The following SGCZ variants were observed in gnomAD, a reference collection of about 807,000 sequenced individuals.
The protein encoded by SGCZ is zeta-sarcoglycan.
SGCZ carries 40 observed loss-of-function variants against 41.3 expected under a neutral mutation model. That is an observed-to-expected ratio of 0.97 (90% CI 0.75 to 1.26). SGCZ has a LOEUF of 1.26. Ranked by LOEUF, SGCZ falls within the 50% of genes most tolerant of loss-of-function variation. The pLI, the probability that SGCZ is intolerant of heterozygous loss-of-function variation, is 0.00. For missense variants in SGCZ, 552 were observed against 369.8 expected (o/e 1.49, Z -4.04); for synonymous variants, 206 against 137.5 (o/e 1.50, Z -3.49).
chr8:14,755,609 A>G (rs1799639629), intron 1 of SGCZ, among the ~76,000 whole-genome samples: 1 of 152,204 alleles, frequency 6.6e-6, no homozygotes, highest in Admixed American at 6.5e-5. Flanking sequence ...AGTAAGTGAC[A>G]TGACCATGCT....
chr8:14,305,203 C>A (rs566616188), intron 3 of SGCZ, among the ~76,000 whole-genome samples: 1 of 152,194 alleles, frequency 6.6e-6, no homozygotes, highest in African/African-American at 2.4e-5. Context: ...AACAAATAAT[C>A]TACCAATATA....
chr8:14,915,590 C>G (rs180864191), intron 1 of SGCZ, among the ~76,000 whole-genome samples: 18 of 152,196 alleles, frequency 1.2e-4, no homozygotes, highest in Middle Eastern at 3.4e-3. Context: ...AAGATGGCAC[C>G]GATCAACTGG....
At chr8:14,619,978 C>T (rs1236946592) in intron 1 of SGCZ, among the ~76,000 whole-genome samples, 1 of 152,110 alleles carries the variant, frequency 6.6e-6, no homozygotes, top group Non-Finnish European at 1.5e-5. Flanking sequence ...GCCCGCATTG[C>T]CAAGACAATC....
At chr8:14,090,738 C>G (rs976730643) in intron 7 of SGCZ, 101 bp from the exon 8 acceptor site, 6 of 1,003,548 alleles carry the variant, frequency 6.0e-6, no homozygotes, top group South Asian at 5.1e-5. Flanking sequence ...GTCGACACAA[C>G]AAACAATTCC....
intron 3 of SGCZ, among the ~76,000 whole-genome samples, chr8:14,284,336 G>A (rs1401095418): frequency 1.3e-5 from 2 of 152,204 alleles, no homozygotes; most frequent in African/African-American, 4.8e-5. Flanking sequence ...GAGGCTGCAT[G>A]AGCTGTGGCC....
intron 1 of SGCZ, among the ~76,000 whole-genome samples, chr8:14,634,188 T>C (rs1156535076): frequency 3.9e-5 from 6 of 151,922 alleles, no homozygotes; most frequent in Non-Finnish European, 8.8e-5. Flanking sequence ...CTTCCAATTT[T>C]TATCAATTTG....
At chr8:15,177,509 A>G (rs1585643236) in intron 1 of SGCZ, among the ~76,000 whole-genome samples, 3 of 152,344 alleles carry the variant, frequency 2.0e-5, no homozygotes, top group South Asian at 4.1e-4. Flanking sequence ...ATTTAATCTT[A>G]CAATGGGAGG....
chr8:14,554,736 G>A lies in SGCZ; in HGVS notation c.230C>T (p.Thr77Ile). The A allele has an allele frequency of 6.2e-7, 1 of 1,611,378 alleles. No individual in the cohort carries two copies. The highest frequency in any genetic ancestry group is 8.5e-7 in the Non-Finnish European group (1 of 1,178,240). ...TAAAATCATAGTGGTACTTACCACA[G>A]TGAAATTCATAACTTTCAATATCCA... Reference protein sequence around the residue: ...TIWILKVMNFTVDGMGNLRVT... With the variant: ...TIWILKVMNFIVDGMGNLRVT... Residue 77 changes from threonine (T) to isoleucine (I), a missense_variant, in exon 2 of 8, where the codon ACT (threonine) becomes ATT (isoleucine). Physicochemically the swap from Thr to Ile is moderately conservative, Grantham distance 89 (BLOSUM62 -1). Transcript: ENST00000382080.
chr8:15,141,713 C>G (rs143785819), intron 1 of SGCZ, among the ~76,000 whole-genome samples: 1 of 152,112 alleles, frequency 6.6e-6, no homozygotes, highest in Admixed American at 6.5e-5. Flanking sequence ...AGCATCCTGG[C>G]TAACACGGTG....
At chr8:15,070,763 T>C (rs902016703) in intron 1 of SGCZ, among the ~76,000 whole-genome samples, 2 of 152,212 alleles carry the variant, frequency 1.3e-5, no homozygotes, top group Non-Finnish European at 2.9e-5. Flanking sequence ...AAACAGGATA[T>C]AGTCTTCTAG....
intron 1 of SGCZ, among the ~76,000 whole-genome samples, chr8:14,706,595 C>A (rs537923920): frequency 6.6e-6 from 1 of 152,032 alleles, no homozygotes; most frequent in Non-Finnish European, 1.5e-5. Flanking sequence ...GAATTTGAAG[C>A]TCTAACTCTT....
chr8:14,713,337 A>G (rs1195174541), intron 1 of SGCZ, among the ~76,000 whole-genome samples: 2 of 152,226 alleles, frequency 1.3e-5, no homozygotes, highest in South Asian at 2.1e-4. Flanking sequence ...ACAATGTTAC[A>G]GTGTTACATA....
intron 2 of SGCZ, among the ~76,000 whole-genome samples, chr8:14,413,809 A>G (rs1010403211): frequency 1.3e-5 from 2 of 151,968 alleles, no homozygotes; most frequent in East Asian, 3.9e-4. Context: ...CCATTCATAC[A>G]TATATGGTTT....
chr8:14,788,811 A>T (rs577272494), intron 1 of SGCZ, among the ~76,000 whole-genome samples: 2 of 152,222 alleles, frequency 1.3e-5, no homozygotes, highest in South Asian at 4.1e-4. Context: ...GAACTGATCA[A>T]TATAAAGACT....
intron 2 of SGCZ, among the ~76,000 whole-genome samples, chr8:14,326,509 G>A (rs1338090188): frequency 6.6e-6 from 1 of 152,132 alleles, no homozygotes; most frequent in East Asian, 1.9e-4. Context: ...ACATTTGGAG[G>A]TGACGAGGTC....
chr8:14,375,324 G>T (rs73664334), intron 2 of SGCZ, among the ~76,000 whole-genome samples: 10,114 of 152,138 alleles, frequency 0.066, 1,008 homozygotes, highest in African/African-American at 0.22. Context: ...ACATTAACAA[G>T]GAGATATTTT....
At chr8:14,386,645 T>C (rs1488383820) in intron 2 of SGCZ, among the ~76,000 whole-genome samples, 2 of 152,190 alleles carry the variant, frequency 1.3e-5, no homozygotes, top group East Asian at 1.9e-4. Context: ...CTAAATTTGG[T>C]TTACATTTTG....
chr8:15,187,959 G>A (rs1800399626), intron 1 of SGCZ, among the ~76,000 whole-genome samples: 1 of 151,918 alleles, frequency 6.6e-6, no homozygotes, highest in African/African-American at 2.4e-5. Flanking sequence ...GTAGGGGGGT[G>A]TATGATATCC....
At chr8:14,609,709 G>A (rs1327098177) in intron 1 of SGCZ, among the ~76,000 whole-genome samples, 1 of 152,156 alleles carries the variant, frequency 6.6e-6, no homozygotes, top group African/African-American at 2.4e-5. Flanking sequence ...ACCCAGAACT[G>A]AAGCCAGAGC....
Sources: allele counts gnomAD v4.1 joint callset (sites outside exome capture counted in the v4.1 genomes callset), GRCh38; gene constraint gnomAD v4.1.1; transcripts MANE v1.5; gene names NCBI Gene and HGNC (gene_info 2026-07-23, HGNC 2026-07-21).